The following DNAAF11 variants were observed in gnomAD, a reference collection of about 807,000 sequenced individuals.
DNAAF11 encodes leucine rich repeat containing 6.
Under a neutral mutation model 60.8 loss-of-function variants are expected in DNAAF11, and 45 were observed. That is an observed-to-expected ratio of 0.74 (90% CI 0.58 to 0.95). DNAAF11 has a LOEUF of 0.95. Among genes scored for constraint, DNAAF11 ranks in the 40% least tolerant of loss-of-function variants. The probability of loss-of-function intolerance (pLI) is 0.00; values close to 1 mark genes in which losing one functional copy is unlikely to be tolerated. For missense variants in DNAAF11, 546 were observed against 546.2 expected, an observed-to-expected ratio of 1.00 and a Z score of 0.00; for synonymous variants, 191 against 183.5, an observed-to-expected ratio of 1.04 and a Z score of -0.33.
At chr8:132,652,800 G>A (rs907008859) in intron 3 of DNAAF11, among the ~76,000 whole-genome samples, 1 of 152,116 alleles carries the variant, frequency 6.6e-6, no homozygotes, top group African/African-American at 2.4e-5. Flanking sequence ...GGGGGTTGGG[G>A]AGCTAGGGGA....
chr8:132,596,522 A>G (rs1013647354), intron 10 of DNAAF11, among the ~76,000 whole-genome samples: 6 of 152,224 alleles, frequency 3.9e-5, no homozygotes, highest in Admixed American at 2.6e-4. Context: ...ATTTTCTTTT[A>G]CAATCTTGCT....
intron 10 of DNAAF11, among the ~76,000 whole-genome samples, chr8:132,588,365 A>G (rs1816118027): frequency 6.6e-6 from 1 of 152,338 alleles, no homozygotes; most frequent in East Asian, 1.9e-4. Context: ...AAAAGTGTAC[A>G]TGAAAATCAC....
intron 5 of DNAAF11, among the ~76,000 whole-genome samples, chr8:132,628,723 G>C (rs1246586518): frequency 6.6e-6 from 1 of 152,134 alleles, no homozygotes; most frequent in Non-Finnish European, 1.5e-5. Flanking sequence ...TGTTCAAATA[G>C]GCTAAATAGG....
At chr8:132,687,141 T>C in the DNAAF11 span, among the ~76,000 whole-genome samples, 1 of 152,130 alleles carries the variant, frequency 6.6e-6, no homozygotes, top group South Asian at 2.1e-4. Context: ...AGTCTAACTG[T>C]TGCAAAGCAG....
intron 7 of DNAAF11, among the ~76,000 whole-genome samples, chr8:132,616,690 C>CTTG (rs1819195195): frequency 6.6e-6 from 1 of 152,118 alleles, no homozygotes; most frequent in African/African-American, 2.4e-5. Flanking sequence ...CTCTTATATC[C>CTTG]ACCCAGTGAT....
Position 132,611,281 on chromosome 8 carries a change from G to A in DNAAF11, c.1044+13C>T. The A allele has an allele frequency of 1.3e-6, 2 of 1,591,836 alleles. No individual in the cohort carries two copies. The highest frequency in any genetic ancestry group is 1.7e-6 in the Non-Finnish European group (2 of 1,160,234). On this transcript the variant is annotated intron_variant, in intron 9 of 11. Coordinates refer to ENST00000620350, the MANE Select transcript of DNAAF11 (RefSeq NM_012472.6). ...GCTTTTGAAATTGTAATAGCCTACAGGGTTCTACTTACCTTTCCTTTGATC... is the reference window on the plus strand; with the variant it reads ...GCTTTTGAAATTGTAATAGCCTACAAGGTTCTACTTACCTTTCCTTTGATC...
rs960428544 is a variant in DNAAF11 at position 132,648,388 on chromosome 8, C to T, written c.256+8442G>A. Among the ~76,000 whole-genome samples the T allele has an allele frequency of 5.9e-5, 9 of 152,230 alleles. No individual in the cohort carries two copies. In the South Asian group the frequency reaches 1.0e-3, roughly 18 times the overall value. On this transcript the variant is annotated intron_variant, in intron 3 of 11. Transcript: ENST00000620350. ...AATATTAAGAGCTATTTATGACACA[C>T]GCACAGCCAATATCATACTGAATGG...
At chr8:132,645,574 C>T (rs1461581964) in intron 3 of DNAAF11, among the ~76,000 whole-genome samples, 1 of 151,854 alleles carries the variant, frequency 6.6e-6, no homozygotes, top group East Asian at 1.9e-4. Context: ...GAACCTATCG[C>T]AAAGAAGCTA....
chr8:132,629,582 C>T (rs1316798962), intron 5 of DNAAF11, among the ~76,000 whole-genome samples: 4 of 152,036 alleles, frequency 2.6e-5, no homozygotes, highest in African/African-American at 9.7e-5. Context: ...CTCCTGACCT[C>T]GTGATCCGCC....
rs1456528449 is a variant in DNAAF11 at position 132,618,528 on chromosome 8, A to C, written c.915-3431T>G. On this transcript the variant is annotated intron_variant, in intron 7 of 11. Coordinates refer to ENST00000620350, the MANE Select transcript of DNAAF11 (RefSeq NM_012472.6). ...AACAGGCAACCTACAAAATGGGAGAAAATTTTCGCAACCTACTCATCTGAC... is the reference window on the plus strand; with the variant it reads ...AACAGGCAACCTACAAAATGGGAGACAATTTTCGCAACCTACTCATCTGAC... Among the ~76,000 whole-genome samples, 28 of 110,818 alleles carry C rather than the reference A, an allele frequency of 2.5e-4. No homozygotes were observed. The South Asian group carries it at 9.8e-3, about 39-fold the overall frequency. The allele number at this position is 110,818 out of a possible 152,430, so 72.7% of individuals were successfully genotyped here. A position where few individuals can be genotyped will look rare whatever the true frequency, so the allele number is the denominator to read the frequency against.
chr8:132,595,133 G>C (rs1816855510), intron 10 of DNAAF11, among the ~76,000 whole-genome samples: 1 of 151,948 alleles, frequency 6.6e-6, no homozygotes, highest in Non-Finnish European at 1.5e-5. Flanking sequence ...TTTATTTATA[G>C]CAGTGTGAAA....
chr8:132,627,311 A>C (rs1820374303), intron 5 of DNAAF11, among the ~76,000 whole-genome samples: 1 of 152,232 alleles, frequency 6.6e-6, no homozygotes, highest in East Asian at 1.9e-4. Flanking sequence ...AACAGTACTT[A>C]AGAAATTTAT....
At chr8:132,663,818 A>T (rs1824361173) in intron 1 of DNAAF11, among the ~76,000 whole-genome samples, 2 of 152,224 alleles carry the variant, frequency 1.3e-5, no homozygotes, top group Admixed American at 1.3e-4. Context: ...CTGAAGACAG[A>T]CCATGACATC....
intron 3 of DNAAF11, among the ~76,000 whole-genome samples, chr8:132,654,052 G>C (rs1823290575): frequency 6.6e-6 from 1 of 151,954 alleles, no homozygotes; most frequent in African/African-American, 2.4e-5. Flanking sequence ...GAAATAGTTG[G>C]AAAGGTAAAA....
At chr8:132,633,166 GTAA>G (rs917975386) in intron 4 of DNAAF11, among the ~76,000 whole-genome samples, 1 of 151,916 alleles carries the variant, frequency 6.6e-6, no homozygotes, top group African/African-American at 2.4e-5. Flanking sequence ...ACCTTTACTA[GTAA>G]TAATAATAAT....
rs538808161 is a variant in DNAAF11, at chr8:132,654,572, ATTTC to A, written c.256+2254_256+2257del. On this transcript the variant is annotated intron_variant, in intron 3 of 11. Transcript: ENST00000620350. ...TAAAGTAATTAAAATCAAAGAAAGT[ATTTC>A]TTTCTTTGACCTCAATGGAGTGAAA... is the stretch of plus-strand genomic sequence containing the variant. 3.7e-3 allele frequency among the ~76,000 whole-genome samples: 556 copies of A among 152,004 alleles called. 3 individuals carry two copies. Among genetic ancestry groups the A allele is most frequent in the African/African-American group, 0.013 (523 of 41,518 alleles).
At chr8:132,582,994 C>T (rs555915458) in intron 11 of DNAAF11, among the ~76,000 whole-genome samples, 10 of 152,088 alleles carry the variant, frequency 6.6e-5, no homozygotes, top group Non-Finnish European at 1.2e-4. Flanking sequence ...TTGGTTCTGA[C>T]GGTCTCCAGG....
chr8:132,629,814 G>A (rs1309937140), intron 5 of DNAAF11, among the ~76,000 whole-genome samples: 1 of 152,126 alleles, frequency 6.6e-6, no homozygotes, highest in East Asian at 1.9e-4. Flanking sequence ...TTTTATAAAG[G>A]TTAGCAAGAT....
chr8:132,582,164 G>T (rs545652977), intron 11 of DNAAF11, among the ~76,000 whole-genome samples: 1 of 152,122 alleles, frequency 6.6e-6, no homozygotes, highest in Non-Finnish European at 1.5e-5. Flanking sequence ...TGGTTAATGG[G>T]GTTGCCCAGC....
Sources: gnomAD v4.1 joint callset for allele counts (sites outside exome capture counted in the v4.1 genomes callset) on GRCh38, gnomAD v4.1.1 for gene constraint, MANE v1.5 for transcripts, NCBI Gene and HGNC (gene_info 2026-07-23, HGNC 2026-07-21) for gene names.